DEPTOR: variants seen among roughly 807,000 people sequenced by gnomAD.
DEPTOR encodes the protein DEP domain-containing mTOR-interacting protein.
Under a neutral mutation model 41.6 loss-of-function variants are expected in DEPTOR, and 41 were observed. The observed-to-expected ratio is 0.98, with a 90% CI of 0.77 to 1.28. The LOEUF (loss-of-function observed/expected upper bound fraction) is 1.28, where lower values mean the gene tolerates loss of function less well. Ranked by LOEUF, DEPTOR falls within the 50% of genes most tolerant of loss-of-function variation. DEPTOR has a pLI of 0.00. For missense variants in DEPTOR, 514 were observed against 527.9 expected (o/e 0.97, Z 0.26); for synonymous variants, 195 against 192.3 (o/e 1.01, Z -0.12).
rs1340821416 is a variant in DEPTOR at position 120,016,706 on chromosome 8, G to A, written c.1101+7573G>A. Among the ~76,000 whole-genome samples, 3 of 151,520 alleles carry A rather than the reference G, an allele frequency of 2.0e-5. No individual in the cohort carries two copies. The East Asian group carries it at 5.8e-4, about 29-fold the overall frequency. On this transcript the variant is annotated intron_variant, in intron 8 of 8. Transcript: ENST00000286234. ...CAGCCTCCACCTCCTGAGCTCAAGCGATCCTCCTGTCAGCCTTCAATGTAG... is the reference window on the plus strand; with the variant it reads ...CAGCCTCCACCTCCTGAGCTCAAGCAATCCTCCTGTCAGCCTTCAATGTAG...
At chr8:119,995,637 T>C (rs1047017819) in intron 4 of DEPTOR, among the ~76,000 whole-genome samples, 1 of 151,888 alleles carries the variant, frequency 6.6e-6, no homozygotes, top group South Asian at 2.1e-4. Context: ...TCAAAGTTAC[T>C]CAGCATAAAA....
chr8:120,033,833 G>A (rs941818055), intron 8 of DEPTOR, among the ~76,000 whole-genome samples: 4 of 152,286 alleles, frequency 2.6e-5, no homozygotes, highest in African/African-American at 9.6e-5. Context: ...CTTGAACTGA[G>A]TCAGTCCTGA....
chr8:120,032,831 C>T (rs570072693), intron 8 of DEPTOR, among the ~76,000 whole-genome samples: 1 of 152,254 alleles, frequency 6.6e-6, no homozygotes, highest in African/African-American at 2.4e-5. Context: ...TGGAACTGTG[C>T]AGGAAAGGGA....
chr8:119,988,885 A>G (rs1828863012), intron 4 of DEPTOR, among the ~76,000 whole-genome samples: 1 of 151,714 alleles, frequency 6.6e-6, no homozygotes, highest in South Asian at 2.1e-4. Flanking sequence ...AAATCGTTAA[A>G]CTGGCATTCA....
intron 1 of DEPTOR, among the ~76,000 whole-genome samples, chr8:119,920,272 A>G (rs1055461464): frequency 3.9e-5 from 6 of 152,196 alleles, no homozygotes; most frequent in South Asian, 2.1e-4. Context: ...TTTCACATCA[A>G]TGAGATTTCT....
chr8:120,026,457 C>T (rs1186957668), intron 8 of DEPTOR, among the ~76,000 whole-genome samples: 2 of 151,934 alleles, frequency 1.3e-5, no homozygotes, highest in African/African-American at 2.4e-5. Flanking sequence ...ATTCTCCTGC[C>T]TCAGCCTCCC....
intron 3 of DEPTOR, among the ~76,000 whole-genome samples, chr8:119,961,432 A>AT (rs1276907441): frequency 6.6e-6 from 1 of 151,424 alleles, no homozygotes; most frequent in African/African-American, 2.4e-5. Context: ...AAAAAAAAAA[A>AT]AGTGGCTTGC....
At chr8:120,026,634 C>T (rs548395009) in intron 8 of DEPTOR, among the ~76,000 whole-genome samples, 6 of 152,172 alleles carry the variant, frequency 3.9e-5, no homozygotes, top group South Asian at 2.1e-4. Flanking sequence ...TGAGTCACTG[C>T]ACCCCGCCAA....
At chr8:120,002,878 T>C (rs1248614954) in intron 5 of DEPTOR, 99 bp from the exon 6 acceptor site, 1 of 1,370,460 alleles carries the variant, frequency 7.3e-7, no homozygotes, top group Admixed American at 2.7e-5. Flanking sequence ...CCAGTGTGCT[T>C]TCTCCTGGCC....
At chr8:120,017,898 T>C (rs1812637355) in intron 8 of DEPTOR, among the ~76,000 whole-genome samples, 1 of 152,208 alleles carries the variant, frequency 6.6e-6, no homozygotes, top group Admixed American at 6.5e-5. Context: ...CCGTGATGAA[T>C]TGATGGATGT....
intron 4 of DEPTOR, among the ~76,000 whole-genome samples, chr8:119,999,966 C>G (rs574417489): frequency 3.7e-4 from 56 of 152,246 alleles, no homozygotes; most frequent in African/African-American, 1.3e-3. Context: ...ACACACAAAT[C>G]AGTGCATGTA....
At chr8:119,943,163 G>A (rs1044213906) in intron 3 of DEPTOR, among the ~76,000 whole-genome samples, 1 of 152,312 alleles carries the variant, frequency 6.6e-6, no homozygotes, top group East Asian at 1.9e-4. Context: ...GTCAGTGGGA[G>A]GCACTAGTAG....
At chr8:120,008,527 CAAA>C (rs35570467) in intron 7 of DEPTOR, among the ~76,000 whole-genome samples, 2 of 99,698 alleles carry the variant, frequency 2.0e-5, no homozygotes, top group Admixed American at 1.2e-4. Context: ...GACTCTGTCT[CAAA>C]AAAAAAAAAA....
chr8:119,971,712 A>C (rs1828636218), intron 4 of DEPTOR, among the ~76,000 whole-genome samples: 1 of 152,172 alleles, frequency 6.6e-6, no homozygotes, highest in Non-Finnish European at 1.5e-5. Flanking sequence ...GGTCGGAGAC[A>C]TCGTAGATTT....
chr8:120,035,832 A>G (rs1051411408), intron 8 of DEPTOR, among the ~76,000 whole-genome samples: 1 of 152,200 alleles, frequency 6.6e-6, no homozygotes, highest in African/African-American at 2.4e-5. Flanking sequence ...GGGCCTGGCC[A>G]TGCAACTGAA....
intron 3 of DEPTOR, among the ~76,000 whole-genome samples, chr8:119,954,498 G>A (rs975561957): frequency 6.6e-6 from 1 of 152,080 alleles, no homozygotes; most frequent in East Asian, 1.9e-4. Context: ...GTTTTTTAAA[G>A]CTCTCTTTCT....
intron 8 of DEPTOR, among the ~76,000 whole-genome samples, chr8:120,030,871 C>T (rs915658099): frequency 2.6e-5 from 4 of 151,968 alleles, no homozygotes; most frequent in African/African-American, 9.7e-5. Context: ...CCTAAGCTCA[C>T]TGCAACCTCC....
intron 1 of DEPTOR, among the ~76,000 whole-genome samples, chr8:119,887,316 A>T: frequency 7.7e-6 from 1 of 130,634 alleles, no homozygotes; most frequent in African/African-American, 2.9e-5. Context: ...TGGGGATTAC[A>T]GGCATGCAAC....
chr8:120,029,772 C>CCCAT (rs1450733702), intron 8 of DEPTOR, among the ~76,000 whole-genome samples: 1 of 152,088 alleles, frequency 6.6e-6, no homozygotes, highest in Admixed American at 6.6e-5. Flanking sequence ...AATACCTAGA[C>CCCAT]CCATATCCAG....
Sources: gnomAD v4.1 joint callset for allele counts (sites outside exome capture counted in the v4.1 genomes callset) on GRCh38, gnomAD v4.1.1 for gene constraint, MANE v1.5 for transcripts, NCBI Gene and HGNC (gene_info 2026-07-23, HGNC 2026-07-21) for gene names.